PRKG1: variants seen among roughly 807,000 people sequenced by gnomAD.
The protein encoded by PRKG1 is protein kinase cGMP-dependent 1, also known as cGMP-dependent protein kinase 1.
Under a neutral mutation model 88.1 loss-of-function variants are expected in PRKG1, and 35 were observed. That is an observed-to-expected ratio of 0.40 (90% confidence interval 0.30 to 0.53). PRKG1 has a LOEUF of 0.53. Among genes scored for constraint, PRKG1 ranks in the 20% least tolerant of loss-of-function variants. The probability of loss-of-function intolerance (pLI) is 0.59; values close to 1 mark genes in which losing one functional copy is unlikely to be tolerated. For missense variants in PRKG1, 540 were observed against 839.8 expected, an observed-to-expected ratio of 0.64 and a Z score of 4.41; for synonymous variants, 303 against 292.5, an observed-to-expected ratio of 1.04 and a Z score of -0.37.
chr10:51,057,218 C>T (rs1411016400), intron 1 of PRKG1, among the ~76,000 whole-genome samples: 4 of 152,148 alleles, frequency 2.6e-5, no homozygotes, highest in Non-Finnish European at 4.4e-5. Context: ...CTATACCTGA[C>T]ATTTTGAGGT....
chr10:51,056,944 G>A (rs979005205), intron 1 of PRKG1, among the ~76,000 whole-genome samples: 3 of 152,034 alleles, frequency 2.0e-5, no homozygotes, highest in African/African-American at 7.2e-5. Flanking sequence ...AGATCAAATG[G>A]AGACTTTTCC....
intron 3 of PRKG1, among the ~76,000 whole-genome samples, chr10:51,738,843 A>G (rs950549651): frequency 6.6e-6 from 1 of 152,200 alleles, no homozygotes; most frequent in Non-Finnish European, 1.5e-5. Context: ...CTGATAGTGA[A>G]TGCTGTGAAT....
intron 3 of PRKG1, among the ~76,000 whole-genome samples, chr10:51,548,689 A>G (rs187612033): frequency 2.1e-3 from 321 of 152,172 alleles, no homozygotes; most frequent in African/African-American, 7.1e-3. Flanking sequence ...GTTCTCTTTT[A>G]TATTTATGGA....
At chr10:52,159,220 T>C (rs751598719) in intron 8 of PRKG1, among the ~76,000 whole-genome samples, 2 of 151,526 alleles carry the variant, frequency 1.3e-5, no homozygotes, top group Non-Finnish European at 3.0e-5. Flanking sequence ...TTAAAAATAG[T>C]TTTTATAATA....
chr10:52,185,976 G>A (rs1185669380), intron 9 of PRKG1, among the ~76,000 whole-genome samples: 1 of 152,092 alleles, frequency 6.6e-6, no homozygotes, highest in Non-Finnish European at 1.5e-5. Flanking sequence ...TGTGATGGGA[G>A]GGGCTGTCCC....
chr10:51,503,734 TG>T (rs761436237), intron 3 of PRKG1, among the ~76,000 whole-genome samples: 3 of 152,176 alleles, frequency 2.0e-5, no homozygotes, highest in Non-Finnish European at 4.4e-5. Flanking sequence ...AAGGTAGGAA[TG>T]TTTGTAGAGT....
At chr10:51,019,626 G>GA (rs764975228) in intron 1 of PRKG1, among the ~76,000 whole-genome samples, 11 of 150,002 alleles carry the variant, frequency 7.3e-5, no homozygotes, top group Non-Finnish European at 1.6e-4. Flanking sequence ...GGCAACAAAA[G>GA]AAAAAAAATA....
intron 4 of PRKG1, among the ~76,000 whole-genome samples, chr10:51,875,177 C>A (rs1307794717): frequency 6.6e-6 from 1 of 152,002 alleles, no homozygotes; most frequent in East Asian, 1.9e-4. Flanking sequence ...ACTAGAAATA[C>A]CAAACACACC....
intron 2 of PRKG1, among the ~76,000 whole-genome samples, chr10:51,195,156 T>TA (rs1233803780): frequency 1.3e-5 from 2 of 152,210 alleles, no homozygotes; most frequent in African/African-American, 4.8e-5. Flanking sequence ...GTGTTGTATT[T>TA]AAAAAACAGT....
At chr10:51,065,384 A>G (rs1403200792) in intron 1 of PRKG1, among the ~76,000 whole-genome samples, 1 of 152,114 alleles carries the variant, frequency 6.6e-6, no homozygotes, top group Non-Finnish European at 1.5e-5. Flanking sequence ...GTAGTTGGAT[A>G]TCAAGACACA....
rs757589439 is a variant in PRKG1 at position 52,251,655 on chromosome 10, C to A, written c.1162C>A (p.Arg388=). Residue 388 remains arginine, a synonymous_variant, in exon 10 of 18, where the codon CGA becomes AGA. Transcript: ENST00000373980. ...TACCCTTGGAGTTGGAGGTTTCGGA[C>A]GAGTAGAACTGGTAGGTGATTGTTC... ...IDTLGVGGFG[R]VELVQLKSEE... is the part of the protein sequence containing the mutation. The A allele has an allele frequency of 3.1e-6, 5 of 1,612,352 alleles. No homozygotes were observed. The South Asian group carries it at 5.5e-5, about 18-fold the overall frequency.
At chr10:51,989,787 T>A (rs1904048) in intron 5 of PRKG1, among the ~76,000 whole-genome samples, 69,862 of 151,778 alleles carry the variant, frequency 0.46, 17,050 homozygotes, top group African/African-American at 0.62. Context: ...TAACTTTTTT[T>A]ATAAACATTT....
At chr10:52,122,984 C>A (rs1038059540) in intron 7 of PRKG1, among the ~76,000 whole-genome samples, 19 of 152,122 alleles carry the variant, frequency 1.2e-4, no homozygotes, top group African/African-American at 4.6e-4. Context: ...ACTTTTTCTT[C>A]CCCTTTCTCT....
chr10:52,244,215 A>T (rs1365676527), intron 9 of PRKG1, among the ~76,000 whole-genome samples: 1 of 152,034 alleles, frequency 6.6e-6, no homozygotes, highest in Non-Finnish European at 1.5e-5. Context: ...GAGATTTTTT[A>T]AAACTTTATA....
intron 1 of PRKG1, among the ~76,000 whole-genome samples, chr10:51,035,758 G>C (rs1425989817): frequency 6.6e-6 from 1 of 151,808 alleles, no homozygotes; most frequent in Non-Finnish European, 1.5e-5. Flanking sequence ...TGGAAACAAC[G>C]GAGCTTAAAA....
intron 7 of PRKG1, among the ~76,000 whole-genome samples, chr10:52,075,283 A>G (rs1846600514): frequency 6.6e-6 from 1 of 152,236 alleles, no homozygotes; most frequent in South Asian, 2.1e-4. Flanking sequence ...TGAAGATATT[A>G]CGTTCATACG....
intron 2 of PRKG1, among the ~76,000 whole-genome samples, chr10:51,431,468 T>C (rs1345443962): frequency 2.0e-5 from 3 of 152,204 alleles, no homozygotes; most frequent in Non-Finnish European, 2.9e-5. Flanking sequence ...CTCAGTTGTC[T>C]GATACCTGGC....
intron 2 of PRKG1, among the ~76,000 whole-genome samples, chr10:51,196,494 A>T (rs1837769654): frequency 1.3e-5 from 2 of 152,188 alleles, no homozygotes. Flanking sequence ...AGTGACAGAT[A>T]ATAAAGAAAG....
At chr10:51,299,918 G>C (rs1431167404) in intron 2 of PRKG1, among the ~76,000 whole-genome samples, 1 of 152,060 alleles carries the variant, frequency 6.6e-6, no homozygotes, top group Non-Finnish European at 1.5e-5. Context: ...TGCATTTCCT[G>C]GTACTATTCA....
Sources: allele counts gnomAD v4.1 joint callset (sites outside exome capture counted in the v4.1 genomes callset), GRCh38; gene constraint gnomAD v4.1.1; transcripts MANE v1.5; gene names NCBI Gene and HGNC (gene_info 2026-07-23, HGNC 2026-07-21).